CFAP97D2: variants seen among roughly 807,000 people sequenced by gnomAD.
CFAP97D2 encodes the protein uncharacterized protein CFAP97D2.
rs890163077 is a variant in CFAP97D2, at chr13:114,185,247, G to A, written c.90+5827G>A. ...CACAGGAAAGAGGTGAACAGTACCCGGAGCCCACCCCTGGGAGCCCCCTGG... is the reference window on the plus strand; with the variant it reads ...CACAGGAAAGAGGTGAACAGTACCCAGAGCCCACCCCTGGGAGCCCCCTGG... On this transcript the variant is annotated intron_variant, in intron 1 of 4. Coordinates refer to ENST00000646158, the Ensembl canonical transcript of CFAP97D2. This position sits in a 1 kb window ranked among gnomAD's most constrained non-coding sequence, Gnocchi z 5.2. 1.3e-5 allele frequency among the ~76,000 whole-genome samples: 2 copies of A among 152,210 alleles called. No homozygotes were observed. The highest frequency in any genetic ancestry group is 2.4e-5 in the African/African-American group (1 of 41,458).
chr13:114,182,264 A>G lies in CFAP97D2; in HGVS notation c.90+2844A>G, dbSNP rs1019107119. ...GCCAGATTTATGTTTCTCTCCGCCC[A>G]AACATCTCAGTGGAGTAAAGAATAA... On this transcript the variant is annotated intron_variant, in intron 1 of 4. Transcript: ENST00000646158. 6.6e-5 allele frequency among the ~76,000 whole-genome samples: 10 copies of G among 152,094 alleles called. No individual in the cohort carries two copies. In the East Asian group the frequency reaches 9.7e-4, roughly 15 times the overall value.
intron 2 of CFAP97D2, among the ~76,000 whole-genome samples, chr13:114,199,080 G>C (rs1371184315): frequency 1.4e-5 from 1 of 71,864 alleles, no homozygotes; most frequent in Non-Finnish European, 2.5e-5. Context: ...GCGCGTCCCC[G>C]TGTGTACGGT....
At chr13:114,198,253 G>A (rs74400750) in intron 2 of CFAP97D2, among the ~76,000 whole-genome samples, 1 of 152,282 alleles carries the variant, frequency 6.6e-6, no homozygotes, top group East Asian at 1.9e-4. Flanking sequence ...ATTGAGAATT[G>A]CATGGTTATC....
downstream of CFAP97D2, chr13:114,222,619 A>G (rs541565280): frequency 1.3e-3 from 518 of 397,958 alleles, no homozygotes; most frequent in African/African-American, 9.5e-3. The surrounding 1 kb of genome is among the most constrained non-coding windows in gnomAD (Gnocchi z 4.4). Context: ...GGGAGTCACA[A>G]GGAAGACCCA....
chr13:114,193,705 C>T (rs2080876918), intron 1 of CFAP97D2, among the ~76,000 whole-genome samples: 1 of 152,128 alleles, frequency 6.6e-6, no homozygotes, highest in Non-Finnish European at 1.5e-5. Context: ...ACTGTTTGGG[C>T]TGCTATAACA....
chr13:114,201,495 T>C (rs947044912), intron 3 of CFAP97D2, among the ~76,000 whole-genome samples: 7 of 152,228 alleles, frequency 4.6e-5, no homozygotes, highest in East Asian at 1.9e-4. Flanking sequence ...TGCATGGTCC[T>C]GTGTGCTGGC....
chr13:114,182,345 C>T (rs906267964), intron 1 of CFAP97D2, among the ~76,000 whole-genome samples: 29 of 152,200 alleles, frequency 1.9e-4, no homozygotes, highest in South Asian at 1.5e-3. Context: ...TGTTTTTCTC[C>T]TATCTCAGAA....
At chr13:114,216,209 A>G (rs1166841386) in intron 4 of CFAP97D2, among the ~76,000 whole-genome samples, 1 of 152,116 alleles carries the variant, frequency 6.6e-6, no homozygotes, top group East Asian at 1.9e-4. Flanking sequence ...CTCCTTCTCC[A>G]GGGATCTCAG....
At chr13:114,208,208 G>A (rs2080950095) in intron 3 of CFAP97D2, among the ~76,000 whole-genome samples, 1 of 152,228 alleles carries the variant, frequency 6.6e-6, no homozygotes, top group South Asian at 2.1e-4. Flanking sequence ...AGAATGAAAT[G>A]AGTTAATACA....
intron 1 of CFAP97D2, among the ~76,000 whole-genome samples, chr13:114,180,680 G>A (rs959649399): frequency 3.9e-5 from 6 of 152,330 alleles, no homozygotes; most frequent in South Asian, 4.1e-4. Flanking sequence ...TTGGTCAACC[G>A]TTGTCAGTAG....
chr13:114,199,239 G>T (rs1440396908), intron 2 of CFAP97D2, among the ~76,000 whole-genome samples: 2 of 13,238 alleles, frequency 1.5e-4, no homozygotes, highest in Admixed American at 6.3e-4. Flanking sequence ...CGTCCCCGTG[G>T]GTACGGTCCC....
At chr13:114,205,767 A>G (rs1440859119) in intron 3 of CFAP97D2, among the ~76,000 whole-genome samples, 2 of 152,188 alleles carry the variant, frequency 1.3e-5, no homozygotes, top group Non-Finnish European at 2.9e-5. Flanking sequence ...GAACCAGCCC[A>G]AGGGGATCCG....
intron 1 of CFAP97D2, among the ~76,000 whole-genome samples, chr13:114,188,129 G>A (rs2080857466): frequency 6.6e-6 from 1 of 150,920 alleles, no homozygotes; most frequent in African/African-American, 2.4e-5. Context: ...AAAAAAAAAA[G>A]TTTAATTAAC....
chr13:114,219,988 C>A (rs1273897109), intron 4 of CFAP97D2, among the ~76,000 whole-genome samples: 1 of 140,698 alleles, frequency 7.1e-6, no homozygotes, highest in Non-Finnish European at 1.6e-5. Context: ...TGCTTCCCCA[C>A]CTTGGAAACA....
chr13:114,198,282 G>A (rs9562142), intron 2 of CFAP97D2, among the ~76,000 whole-genome samples: 7,741 of 152,254 alleles, frequency 0.051, 512 homozygotes, highest in East Asian at 0.35. Flanking sequence ...ATGCCTCCAG[G>A]ACAAAAGGCT....
intron 3 of CFAP97D2, among the ~76,000 whole-genome samples, chr13:114,209,342 G>A (rs540383393): frequency 4.9e-4 from 74 of 152,160 alleles, no homozygotes; most frequent in Non-Finnish European, 7.3e-4. Context: ...ACAATAACAC[G>A]AGTAGGTGGT....
intron 2 of CFAP97D2, among the ~76,000 whole-genome samples, chr13:114,198,299 T>G (rs944210153): frequency 9.9e-5 from 15 of 152,230 alleles, no homozygotes; most frequent in Admixed American, 2.6e-4. Flanking sequence ...GGCTGTGGGC[T>G]TTATATGAGC....
At chr13:114,190,792 G>A (rs180955460) in intron 1 of CFAP97D2, among the ~76,000 whole-genome samples, 11 of 152,238 alleles carry the variant, frequency 7.2e-5, no homozygotes, top group Admixed American at 4.6e-4. Flanking sequence ...ATGTTTATAC[G>A]GAGAGGCAAA....
chr13:114,190,137 G>A (rs9562085), intron 1 of CFAP97D2, among the ~76,000 whole-genome samples: 8,855 of 149,310 alleles, frequency 0.059, 573 homozygotes, highest in East Asian at 0.35. Context: ...GGGAGGCCCC[G>A]TCTTAAAAAA....
Sources: gnomAD v4.1 joint callset for allele counts (sites outside exome capture counted in the v4.1 genomes callset) on GRCh38, gnomAD v4.1.1 for gene constraint, Gnocchi (gnomAD v3.1) non-coding constraint, MANE v1.5 for transcripts, NCBI Gene and HGNC (gene_info 2026-07-23, HGNC 2026-07-21) for gene names.